Variants in ZNF385B observed in about 807,000 individuals in gnomAD.
The protein encoded by ZNF385B is zinc finger protein 385B.
In ZNF385B, 23 loss-of-function variants were observed where a neutral mutation model predicts 39.2. The ratio of observed to expected loss-of-function variants is 0.59; its 90% CI spans 0.42 to 0.83. The LOEUF (loss-of-function observed/expected upper bound fraction) is 0.83. Ranked by LOEUF, ZNF385B falls within the 40% of genes least tolerant of loss-of-function variation. ZNF385B has a pLI of 0.00. For synonymous variants in ZNF385B, 205 were observed against 222.6 expected (o/e 0.92, Z 0.70); for missense variants, 552 against 598.9 (o/e 0.92, Z 0.82).
At chr2:179,786,016 GC>G (rs1398868050) in intron 1 of ZNF385B, among the ~76,000 whole-genome samples, 1 of 152,122 alleles carries the variant, frequency 6.6e-6, no homozygotes, top group Non-Finnish European at 1.5e-5. Flanking sequence ...AATTGCCACT[GC>G]CACCCCAACC....
At chr2:179,544,686 T>G (rs2060119462) in intron 4 of ZNF385B, 141 bp downstream of exon 4, 1 of 1,011,926 alleles carries the variant, frequency 9.9e-7, no homozygotes, top group East Asian at 2.4e-5. Context: ...AGCATCATCT[T>G]TCATAGCACA....
At chr2:179,790,328 G>T (rs1705252186) in intron 1 of ZNF385B, among the ~76,000 whole-genome samples, 1 of 152,096 alleles carries the variant, frequency 6.6e-6, no homozygotes, top group African/African-American at 2.4e-5. Context: ...TGTTGTTATT[G>T]ACTGACAGTG....
At chr2:179,734,092 A>G (rs1424029968) in intron 3 of ZNF385B, among the ~76,000 whole-genome samples, 2 of 152,184 alleles carry the variant, frequency 1.3e-5, no homozygotes, top group African/African-American at 4.8e-5. Flanking sequence ...GACATATCTT[A>G]TTATTTTAAA....
At chr2:179,758,792 A>G (rs929456042) in intron 3 of ZNF385B, among the ~76,000 whole-genome samples, 4 of 152,136 alleles carry the variant, frequency 2.6e-5, no homozygotes, top group Non-Finnish European at 5.9e-5. Flanking sequence ...ACCATCTAAG[A>G]CAGTTACTCT....
chr2:179,595,632 T>A (rs1687933589), intron 3 of ZNF385B, among the ~76,000 whole-genome samples: 1 of 151,720 alleles, frequency 6.6e-6, no homozygotes, highest in Non-Finnish European at 1.5e-5. Flanking sequence ...TTCTTTTTTT[T>A]TTTTTCTTCC....
chr2:179,761,803 T>C (rs1703415195), intron 3 of ZNF385B, among the ~76,000 whole-genome samples: 1 of 150,028 alleles, frequency 6.7e-6, no homozygotes, highest in Admixed American at 6.7e-5. Context: ...ACAGGTTGTG[T>C]TGCCCAGGCT....
intron 3 of ZNF385B, among the ~76,000 whole-genome samples, chr2:179,588,152 C>G (rs1687243489): frequency 1.3e-5 from 2 of 152,056 alleles, no homozygotes; most frequent in Non-Finnish European, 2.9e-5. Flanking sequence ...GCAGTGGCAC[C>G]ATCTCGGCTC....
intron 4 of ZNF385B, among the ~76,000 whole-genome samples, chr2:179,542,501 T>G (rs1209540915): frequency 3.7e-4 from 57 of 152,310 alleles, no homozygotes; most frequent in African/African-American, 1.3e-3. Context: ...TTCTTTGGGT[T>G]TTCTCAAATA....
chr2:179,825,797 TGAG>T (rs1449114807), intron 1 of ZNF385B, among the ~76,000 whole-genome samples: 1 of 152,118 alleles, frequency 6.6e-6, no homozygotes, highest in Non-Finnish European at 1.5e-5. Flanking sequence ...TTCAAGGAAA[TGAG>T]GGAGTAAAAT....
chr2:179,755,361 C>T (rs1225283708), intron 3 of ZNF385B, among the ~76,000 whole-genome samples: 1 of 152,124 alleles, frequency 6.6e-6, no homozygotes, highest in Non-Finnish European at 1.5e-5. Context: ...ACTATGTGGT[C>T]AATTTTGGAA....
At chr2:179,524,555 A>AAAAAG in intron 4 of ZNF385B, among the ~76,000 whole-genome samples, 1 of 13,562 alleles carries the variant, frequency 7.4e-5, no homozygotes, top group Non-Finnish European at 2.5e-4. Flanking sequence ...CCGTCTCAAA[A>AAAAAG]AAAAAAAAAA....
At chr2:179,529,003 G>T (rs2059099293) in intron 4 of ZNF385B, among the ~76,000 whole-genome samples, 1 of 152,172 alleles carries the variant, frequency 6.6e-6, no homozygotes, top group Non-Finnish European at 1.5e-5. Flanking sequence ...TTTCTGAAAT[G>T]GGTATGGGAC....
chr2:179,456,946 AAATTT>A (rs1406477205), intron 6 of ZNF385B, among the ~76,000 whole-genome samples: 2 of 152,154 alleles, frequency 1.3e-5, no homozygotes, highest in Non-Finnish European at 2.9e-5. Context: ...TAAAATATAT[AAATTT>A]AATACATTTT....
At chr2:179,736,030 A>G (rs1472870632) in intron 3 of ZNF385B, among the ~76,000 whole-genome samples, 3 of 148,318 alleles carry the variant, frequency 2.0e-5, no homozygotes, top group Admixed American at 2.0e-4. Context: ...AAGTATAATA[A>G]TAAAAAAAAG....
intron 5 of ZNF385B, among the ~76,000 whole-genome samples, chr2:179,503,520 A>G (rs1363343968): frequency 6.6e-6 from 1 of 152,240 alleles, no homozygotes; most frequent in Non-Finnish European, 1.5e-5. Context: ...ATATTTTTGT[A>G]TCTACATCTG....
chr2:179,624,418 T>C (rs940791340), intron 3 of ZNF385B, among the ~76,000 whole-genome samples: 5 of 152,188 alleles, frequency 3.3e-5, no homozygotes, highest in African/African-American at 1.2e-4. Flanking sequence ...TACCTAACCA[T>C]TTTAATATTT....
intron 1 of ZNF385B, among the ~76,000 whole-genome samples, chr2:179,787,696 A>G (rs1219285920): frequency 6.6e-6 from 1 of 152,178 alleles, no homozygotes; most frequent in African/African-American, 2.4e-5. Flanking sequence ...CTTGGAGACC[A>G]TTCCAGTGTA....
chr2:179,639,226 C>CAAAAAAAAA (rs59905278), intron 3 of ZNF385B, among the ~76,000 whole-genome samples: 101 of 93,010 alleles, frequency 1.1e-3, no homozygotes, highest in African/African-American at 2.4e-3. Flanking sequence ...GATCCTGCCT[C>CAAAAAAAAA]AAAAAAAAAA....
At chr2:179,762,375 A>G (rs1246794722) in intron 3 of ZNF385B, among the ~76,000 whole-genome samples, 1 of 152,058 alleles carries the variant, frequency 6.6e-6, no homozygotes, top group Non-Finnish European at 1.5e-5. Flanking sequence ...TATTTTTAGT[A>G]GAGACGGGGT....
Sources: allele counts gnomAD v4.1 joint callset (sites outside exome capture counted in the v4.1 genomes callset), GRCh38; gene constraint gnomAD v4.1.1; transcripts MANE v1.5; gene names NCBI Gene and HGNC (gene_info 2026-07-23, HGNC 2026-07-21).